Variants in KLHL8 observed in about 807,000 individuals in gnomAD.
KLHL8 encodes the protein kelch-like protein 8.
KLHL8 carries 38 observed loss-of-function variants against 63.5 expected under a neutral mutation model. The observed-to-expected ratio is 0.60, with a 90% confidence interval of 0.46 to 0.78. The LOEUF (loss-of-function observed/expected upper bound fraction) is 0.78, where lower values mean the gene tolerates loss of function less well. Among genes scored for constraint, KLHL8 ranks in the 30% least tolerant of loss-of-function variants. KLHL8 has a pLI of 0.00. For missense variants in KLHL8, 566 were observed against 752.4 expected (o/e 0.75, Z 2.90); for synonymous variants, 224 against 254.3 (o/e 0.88, Z 1.13).
chr4:87,185,860 T>A, intron 2 of KLHL8, 61 bp from the exon 3 acceptor site: 1 of 1,379,552 alleles, frequency 7.2e-7, no homozygotes, highest in Non-Finnish European at 9.6e-7. Context: ...AGGTCAGCAT[T>A]TAACATGTGT....
In KLHL8 at chr4:87,185,523, G is replaced by A; in HGVS notation, c.493C>T (p.His165Tyr). The A allele has an allele frequency of 3.1e-6, 5 of 1,614,184 alleles. No homozygotes were observed. Among genetic ancestry groups the A allele is most frequent in the Non-Finnish European group, 4.2e-6 (5 of 1,180,032 alleles). The change falls in exon 3 of 10, where the codon CAT becomes TAT. Residue 165 changes from histidine (H) to tyrosine (Y), a missense_variant. Transcript: ENST00000273963. Reference protein sequence around the residue: ...ACCEYMKLHFHPSNCLAVRAF... With the variant: ...ACCEYMKLHFYPSNCLAVRAF... Reference sequence around the variant, plus strand: ...CTTACTGCCAGGCAATTGGAGGGATGAAAATGTAACTTCATGTATTCACAA... The same window carrying A: ...CTTACTGCCAGGCAATTGGAGGGATAAAAATGTAACTTCATGTATTCACAA...
At chr4:87,236,507 A>G (rs533829138) in intron 1 of KLHL8, among the ~76,000 whole-genome samples, 1 of 151,320 alleles carries the variant, frequency 6.6e-6, no homozygotes, top group Admixed American at 6.6e-5. Flanking sequence ...GTGCCGGCCT[A>G]TGAATTTGAT....
At chr4:87,180,753 G>A (rs151099557) in intron 4 of KLHL8, among the ~76,000 whole-genome samples, 5 of 151,990 alleles carry the variant, frequency 3.3e-5, no homozygotes, top group African/African-American at 9.7e-5. Context: ...ATTTAAAGTC[G>A]GAAGAGCAGC....
At chr4:87,199,054 G>C (rs993192790) in intron 1 of KLHL8, among the ~76,000 whole-genome samples, 10 of 151,854 alleles carry the variant, frequency 6.6e-5, no homozygotes, top group African/African-American at 2.4e-4. Flanking sequence ...TTTCAGATTG[G>C]ATAAGAAAAA....
At chr4:87,233,717 T>C (rs1417588864) in intron 1 of KLHL8, among the ~76,000 whole-genome samples, 1 of 152,256 alleles carries the variant, frequency 6.6e-6, no homozygotes, top group Admixed American at 6.5e-5. Flanking sequence ...AATTTTACAT[T>C]GTATATTTAA....
At chr4:87,174,239 T>C (rs1192680349) in intron 6 of KLHL8, among the ~76,000 whole-genome samples, 4 of 151,852 alleles carry the variant, frequency 2.6e-5, no homozygotes. Flanking sequence ...ATATATCATA[T>C]ATATGTGTGT....
At position 87,202,042 on chromosome 4, in the gene KLHL8, G is replaced by A. The variant is rs139046371; in HGVS notation, c.-151-6352C>T. On this transcript the variant is annotated intron_variant, in intron 1 of 9. Transcript: ENST00000273963. The stretch of plus-strand genomic sequence containing the variant: ...GAATGGTGGCATGAAATCGGGAGGC[G>A]GAGCTTGCAGTGAGCCGAGATCACA... 1.2e-4 allele frequency among the ~76,000 whole-genome samples: 18 copies of A among 150,950 alleles called. No homozygotes were observed. The East Asian group carries it at 3.3e-3, about 28-fold the overall frequency.
chr4:87,239,371 C>T (rs142343283), intron 1 of KLHL8, among the ~76,000 whole-genome samples: 59 of 152,304 alleles, frequency 3.9e-4, no homozygotes, highest in African/African-American at 1.3e-3. Flanking sequence ...GGCTCCAGTG[C>T]GCCTGTTAAG....
chr4:87,226,775 T>A (rs1398357804), intron 1 of KLHL8, among the ~76,000 whole-genome samples: 2 of 16,786 alleles, frequency 1.2e-4, no homozygotes, highest in Non-Finnish European at 1.7e-4. Flanking sequence ...ATAATATATA[T>A]TATATATATA....
chr4:87,179,327 G>T lies in KLHL8; in HGVS notation c.953-707C>A, dbSNP rs572437165. ...CCTCATCACCTACTACTTAACTACT[G>T]CAAAATCCTGTCCTCTCTTAACACT... is the stretch of plus-strand genomic sequence containing the variant. On this transcript the variant is annotated intron_variant, in intron 4 of 9. Coordinates refer to ENST00000273963, the MANE Select transcript of KLHL8 (RefSeq NM_020803.5). 6.6e-5 allele frequency among the ~76,000 whole-genome samples: 10 copies of T among 152,184 alleles called. No homozygotes were observed. The South Asian group carries it at 2.1e-3, about 32-fold the overall frequency.
chr4:87,173,407 C>T (rs1173367723), intron 6 of KLHL8, among the ~76,000 whole-genome samples: 1 of 152,108 alleles, frequency 6.6e-6, no homozygotes, highest in African/African-American at 2.4e-5. Context: ...TTGTGGTGGG[C>T]ATTTAAAACT....
At chr4:87,189,450 CAACT>C (rs1731390419) in intron 2 of KLHL8, among the ~76,000 whole-genome samples, 2 of 151,892 alleles carry the variant, frequency 1.3e-5, no homozygotes, top group Non-Finnish European at 2.9e-5. Flanking sequence ...CTTGAAATAC[CAACT>C]ATTAATAAAA....
chr4:87,226,568 G>A (rs1283562221), intron 1 of KLHL8, among the ~76,000 whole-genome samples: 34 of 92,468 alleles, frequency 3.7e-4, no homozygotes, highest in African/African-American at 1.4e-3. Flanking sequence ...TCTCTCTCTC[G>A]CTCTCTCTCT....
intron 1 of KLHL8, among the ~76,000 whole-genome samples, chr4:87,210,187 A>G (rs1323218746): frequency 6.6e-6 from 1 of 151,936 alleles, no homozygotes; most frequent in East Asian, 1.9e-4. Flanking sequence ...CACCTCTTAA[A>G]GAACTCAATG....
intron 1 of KLHL8, among the ~76,000 whole-genome samples, chr4:87,234,427 T>G: frequency 1.5e-5 from 2 of 137,484 alleles, no homozygotes; most frequent in African/African-American, 2.8e-5. Context: ...ACAGAGTGAG[T>G]CTCTGTCTCA....
chr4:87,240,287 T>G (rs111456730), exon 1 of KLHL8: 2 of 152,334 alleles, frequency 1.3e-5, no homozygotes, highest in African/African-American at 4.8e-5. Flanking sequence ...GGCATTTACA[T>G]CAGCTTCTTC....
At chr4:87,178,945 T>C (rs1730941774) in intron 4 of KLHL8, among the ~76,000 whole-genome samples, 1 of 152,230 alleles carries the variant, frequency 6.6e-6, no homozygotes, top group Admixed American at 6.5e-5. Flanking sequence ...ACATTTGATA[T>C]GCTGATCATC....
intron 8 of KLHL8, chr4:87,167,492 G>C: frequency 1.9e-6 from 1 of 531,092 alleles, no homozygotes; most frequent in African/African-American, 1.9e-5. Flanking sequence ...GAGGAGGCTG[G>C]GAGCAATTTA....
chr4:87,224,415 A>C (rs536146471), upstream of KLHL8, among the ~76,000 whole-genome samples: 1 of 152,250 alleles, frequency 6.6e-6, no homozygotes, highest in East Asian at 1.9e-4. Context: ...AGAATTTCAG[A>C]TGTGGCTTGC....
Sources: gnomAD v4.1 joint callset for allele counts (sites outside exome capture counted in the v4.1 genomes callset) on GRCh38, gnomAD v4.1.1 for gene constraint, MANE v1.5 for transcripts, NCBI Gene and HGNC (gene_info 2026-07-23, HGNC 2026-07-21) for gene names.